Variants in TCF7 observed in about 807,000 individuals in gnomAD.
The protein encoded by TCF7 is transcription factor 7.
In TCF7, 19 loss-of-function variants were observed where a neutral mutation model predicts 46.8. The ratio of observed to expected loss-of-function variants is 0.41; its 90% CI spans 0.28 to 0.60. The LOEUF (loss-of-function observed/expected upper bound fraction) is 0.60. TCF7 is among the 20% of genes least tolerant of loss of function. The probability of loss-of-function intolerance (pLI) is 0.35; values close to 1 mark genes in which losing one functional copy is unlikely to be tolerated. For synonymous variants in TCF7, 245 were observed against 213.4 expected, an observed-to-expected ratio of 1.15 and a Z score of -1.29; for missense variants, 547 against 504.6, an observed-to-expected ratio of 1.08 and a Z score of -0.81.
At chr5:134,142,963 C>G in intron 7 of TCF7, 30 bp from the exon 8 acceptor site, 12 of 1,613,026 alleles carry the variant, frequency 7.4e-6, no homozygotes, top group Non-Finnish European at 1.0e-5. Context: ...CTCCCTGATG[C>G]ACCCCACCTG....
chr5:134,135,256 C>G (rs2149329603), intron 3 of TCF7, among the ~76,000 whole-genome samples: 1 of 152,308 alleles, frequency 6.6e-6, no homozygotes, highest in African/African-American at 2.4e-5. Context: ...CCACTGCGCC[C>G]AGCCCACAGA....
chr5:134,109,552 C>T, the TCF7 span, among the ~76,000 whole-genome samples: 1 of 152,210 alleles, frequency 6.6e-6, no homozygotes, highest in Admixed American at 6.5e-5. Context: ...GTTGAATCAG[C>T]TGAGGTCAGG....
upstream of TCF7, among the ~76,000 whole-genome samples, chr5:134,112,535 G>C (rs576250117): frequency 9.2e-5 from 14 of 152,304 alleles, no homozygotes; most frequent in African/African-American, 3.1e-4. Flanking sequence ...GCAGGGTGGG[G>C]AGTTGGAGCT....
chr5:134,116,232 C>T, intron 3 of TCF7, 199 bp downstream of exon 3: 12 of 1,248,010 alleles, frequency 9.6e-6, no homozygotes, highest in Non-Finnish European at 1.3e-5. Flanking sequence ...TGGGGCACCC[C>T]CCTGCCCTCT....
chr5:134,146,327 C>T lies in TCF7; in HGVS notation c.*24C>T. 1.2e-6 allele frequency: 2 copies of T among 1,613,544 alleles called. No homozygotes were observed. The highest frequency in any genetic ancestry group is 1.7e-6 in the Non-Finnish European group (2 of 1,179,534). ...AGGCTGCCCCGGGTCCCCAGCTCCC[C>T]AGGACTCACCCTCATACCATCTGCT... On this transcript the variant is annotated 3_prime_UTR_variant, in exon 10 of 10. Transcript: ENST00000342854.
At chr5:134,115,601 C>T (rs910537105) in intron 2 of TCF7, 10 of 1,433,506 alleles carry the variant, frequency 7.0e-6, no homozygotes, top group South Asian at 1.5e-5. Flanking sequence ...TAAACAGACC[C>T]CCGCCATCCC....
intron 3 of TCF7, among the ~76,000 whole-genome samples, chr5:134,119,687 G>A (rs1305917080): frequency 6.6e-6 from 1 of 152,196 alleles, no homozygotes; most frequent in Non-Finnish European, 1.5e-5. Flanking sequence ...GCTCCCGGCA[G>A]GTCCAGAGCG....
At chr5:134,143,173 C>A in intron 8 of TCF7, 73 bp downstream of exon 8, 1 of 1,463,980 alleles carries the variant, frequency 6.8e-7, no homozygotes, top group Non-Finnish European at 9.3e-7. Context: ...GCCACAATCT[C>A]AGTAAGGAAC....
rs771118727 is a variant in TCF7, at chr5:134,144,915, C to T, written c.1075+1275C>T. 3.3e-6 allele frequency: 5 copies of T among 1,538,156 alleles called. No individual in the cohort carries two copies. In the Admixed American group the frequency reaches 5.0e-5, roughly 15 times the overall value. ...GTTCTCCCTTTGCTTTAAGCTGCTT[C>T]CCTGACTCTGCACATGTTCCACTGG... On this transcript the variant is annotated intron_variant, in intron 9 of 9. Coordinates refer to ENST00000342854, the MANE Select transcript of TCF7 (RefSeq NM_003202.5).
intron 3 of TCF7, among the ~76,000 whole-genome samples, chr5:134,120,189 A>G (rs893854909): frequency 2.6e-5 from 4 of 152,004 alleles, no homozygotes; most frequent in Admixed American, 2.6e-4. Context: ...CTCTGAACAC[A>G]TCCCAAACCT....
At chr5:134,113,858 T>C (rs1755436267), upstream of TCF7, among the ~76,000 whole-genome samples, 1 of 152,196 alleles carries the variant, frequency 6.6e-6, no homozygotes, top group South Asian at 2.1e-4. Context: ...ATGCGACTTC[T>C]AGGGTTGAGT....
chr5:134,143,490 T>A (rs1259890410), intron 8 of TCF7, 102 bp from the exon 9 acceptor site: 1 of 1,414,970 alleles, frequency 7.1e-7, no homozygotes. Context: ...AGGAGGGGCC[T>A]GTACGCCCAG....
Position 134,147,227 on chromosome 5 carries a change from A to AT in TCF7, c.*926dup, listed in dbSNP as rs1220966736. On this transcript the variant is annotated 3_prime_UTR_variant, in exon 10 of 10. Transcript: ENST00000342854. ...GAGGGTGTATCTAGCTCTAGTTCAA[A>AT]TTATTTGGAAGTGTTCCCTGAGAAA... The AT allele has an allele frequency of 1.3e-5, 2 of 152,246 alleles. No homozygotes were observed. The highest frequency in any genetic ancestry group is 4.8e-5 in the African/African-American group (2 of 41,424). The allele number at this position is 152,246 out of a possible 1,614,324, so 9.4% of individuals were successfully genotyped here.
At chr5:134,136,056 T>G (rs534941420) in intron 3 of TCF7, among the ~76,000 whole-genome samples, 60 of 151,680 alleles carry the variant, frequency 4.0e-4, no homozygotes, top group African/African-American at 7.7e-4. Context: ...CAAGAGACTG[T>G]CTGGCTGGGT....
At chr5:134,132,411 G>A (rs959162864) in intron 3 of TCF7, among the ~76,000 whole-genome samples, 1 of 152,210 alleles carries the variant, frequency 6.6e-6, no homozygotes, top group Non-Finnish European at 1.5e-5. Flanking sequence ...GCGACCAGCT[G>A]AGCATCCTGA....
chr5:134,138,581 G>A (rs1289054696), intron 4 of TCF7: 5 of 279,542 alleles, frequency 1.8e-5, no homozygotes, highest in Non-Finnish European at 2.7e-5. Context: ...ACCCTGGGGG[G>A]CAGGTGGAGC....
intron 3 of TCF7, among the ~76,000 whole-genome samples, chr5:134,128,151 G>T (rs1757597671): frequency 6.6e-6 from 1 of 152,178 alleles, no homozygotes; most frequent in Admixed American, 6.5e-5. Flanking sequence ...AGCCACAGCT[G>T]GGTGCCTGGC....
intron 3 of TCF7, among the ~76,000 whole-genome samples, chr5:134,134,383 G>A (rs746521122): frequency 3.9e-5 from 6 of 152,246 alleles, no homozygotes; most frequent in African/African-American, 7.2e-5. Flanking sequence ...AGCCCCCCAT[G>A]CTCCAGGCAT....
chr5:134,142,657 G>A (rs1760018740), intron 6 of TCF7, 64 bp from the exon 7 acceptor site: 3 of 1,589,374 alleles, frequency 1.9e-6, no homozygotes, highest in African/African-American at 1.3e-5. Flanking sequence ...CACGCTAGAG[G>A]AGGAGGCTGC....
Sources: gnomAD v4.1 joint callset for allele counts (sites outside exome capture counted in the v4.1 genomes callset) on GRCh38, gnomAD v4.1.1 for gene constraint, MANE v1.5 for transcripts, NCBI Gene and HGNC (gene_info 2026-07-23, HGNC 2026-07-21) for gene names.